The following ARPC1B variants were observed in gnomAD, a reference collection of about 807,000 sequenced individuals.
The protein encoded by ARPC1B is actin related protein 2/3 complex subunit 1B.
ARPC1B carries 29 observed loss-of-function variants against 46.0 expected under a neutral mutation model. That is an observed-to-expected ratio of 0.63 (90% confidence interval 0.47 to 0.86). The LOEUF is 0.86. Ranked by LOEUF, ARPC1B falls within the 40% of genes least tolerant of loss-of-function variation. ARPC1B has a pLI of 0.00. For missense variants in ARPC1B, 469 were observed against 529.4 expected (o/e 0.89, Z 1.12); for synonymous variants, 201 against 213.9 (o/e 0.94, Z 0.53).
At chr7:99,392,615 C>T in intron 7 of ARPC1B, 56 bp from the exon 8 acceptor site, 1 of 1,412,998 alleles carries the variant, frequency 7.1e-7, no homozygotes, top group Non-Finnish European at 9.3e-7. Flanking sequence ...CCTGGCCTTC[C>T]CTCCGGCCTC....
intron 1 of ARPC1B, among the ~76,000 whole-genome samples, chr7:99,377,785 C>G (rs940704429): frequency 3.3e-5 from 5 of 151,640 alleles, no homozygotes; most frequent in African/African-American, 1.2e-4. Flanking sequence ...CAAGTGCCCA[C>G]CACCAAGCCC....
intron 4 of ARPC1B, chr7:99,388,770 T>A (rs1794480660): frequency 6.5e-6 from 1 of 152,906 alleles, no homozygotes; most frequent in South Asian, 2.0e-4. Flanking sequence ...GTAGCTGGGA[T>A]TACAGGCACC....
At chr7:99,386,250 CAA>C (rs397941748) in intron 2 of ARPC1B, 2,271 of 276,558 alleles carry the variant, frequency 8.2e-3, no homozygotes, top group Middle Eastern at 0.016. Context: ...GACTCTGTCT[CAA>C]AAAAAAAAAA....
intron 4 of ARPC1B, 37 bp downstream of exon 4, chr7:99,388,298 G>A: frequency 2.5e-6 from 4 of 1,603,152 alleles, no homozygotes; most frequent in South Asian, 2.2e-5. Flanking sequence ...GGCTGTTAGG[G>A]ACCGGGGGCA....
At chr7:99,393,489 G>C (rs1178855680) in intron 8 of ARPC1B, among the ~76,000 whole-genome samples, 2 of 152,074 alleles carry the variant, frequency 1.3e-5, no homozygotes, top group African/African-American at 4.8e-5. Flanking sequence ...CACTTAGCGA[G>C]GTGGGGGCGG....
At chr7:99,383,665 CTT>C (rs1352991190) in intron 1 of ARPC1B, among the ~76,000 whole-genome samples, 1 of 152,164 alleles carries the variant, frequency 6.6e-6, no homozygotes, top group Non-Finnish European at 1.5e-5. Context: ...TGAGTACAGA[CTT>C]GAGTGGCAGC....
chr7:99,392,580 T>C, intron 7 of ARPC1B, 91 bp from the exon 8 acceptor site: 2 of 1,196,916 alleles, frequency 1.7e-6, no homozygotes, highest in South Asian at 1.6e-5. Context: ...AGCTGGCATC[T>C]GCCTCCCGGG....
chr7:99,392,304 C>T (rs1462014938), intron 7 of ARPC1B, among the ~76,000 whole-genome samples: 3 of 152,322 alleles, frequency 2.0e-5, no homozygotes, highest in East Asian at 1.9e-4. Flanking sequence ...CCTCCGCCCA[C>T]ATCTGTCAAG....
chr7:99,374,411 C>G (rs1480405319), upstream of ARPC1B: 1 of 152,206 alleles, frequency 6.6e-6, no homozygotes, highest in Non-Finnish European at 1.5e-5. The surrounding 1 kb of genome is among the most constrained non-coding windows in gnomAD (Gnocchi z 5.0). Context: ...GACCCTGCGC[C>G]CGGCAGTCCC....
chr7:99,381,849 A>T (rs575021913), intron 1 of ARPC1B, among the ~76,000 whole-genome samples: 2 of 152,300 alleles, frequency 1.3e-5, no homozygotes, highest in South Asian at 4.1e-4. Flanking sequence ...GCAGTGCAGG[A>T]TGGGCCGGCC....
At chr7:99,378,994 GTCTCGA>G (rs886935415) in intron 1 of ARPC1B, among the ~76,000 whole-genome samples, 31 of 152,018 alleles carry the variant, frequency 2.0e-4, no homozygotes, top group Non-Finnish European at 3.2e-4. Flanking sequence ...AGCCAGGATG[GTCTCGA>G]TCTCCTGACC....
At chr7:99,392,631 C>T (rs1381830810) in intron 7 of ARPC1B, 40 bp from the exon 8 acceptor site, 16 of 1,435,600 alleles carry the variant, frequency 1.1e-5, no homozygotes, top group Admixed American at 2.9e-5. Flanking sequence ...GCCTCGGTTT[C>T]CCCTCCGCGG....
At position 99,394,516 on chromosome 7, in the gene ARPC1B, C is replaced by G. The variant is rs902805067; in HGVS notation, c.*27C>G. 2 of 1,613,828 alleles carry G rather than the reference C, an allele frequency of 1.2e-6. No homozygotes were observed. Among genetic ancestry groups the G allele is most frequent in the African/African-American group, 1.3e-5 (1 of 74,876 alleles). Reference sequence around the variant, plus strand: ...CTGTGAGGAATATGTTGCCTTCATCCTAGCTGCTGGGGAAGCGGGGAGAGG... The same window carrying G: ...CTGTGAGGAATATGTTGCCTTCATCGTAGCTGCTGGGGAAGCGGGGAGAGG... On this transcript the variant is annotated 3_prime_UTR_variant, in exon 10 of 10. Transcript: ENST00000646101.
At position 99,388,037 on chromosome 7, in the gene ARPC1B, A is replaced by C; in HGVS notation, c.170-2A>C. The C allele has an allele frequency of 6.3e-7, 1 of 1,591,892 alleles. No individual in the cohort carries two copies. Among genetic ancestry groups the C allele is most frequent in the Non-Finnish European group, 8.6e-7 (1 of 1,161,552 alleles). On this transcript the variant is annotated splice_acceptor_variant, in intron 3 of 9. Transcript: ENST00000646101. LOFTEE classifies it high-confidence loss of function. The stretch of plus-strand genomic sequence containing the variant: ...TCCTGTGTTCCCTCCATCCCCCCAC[A>C]GGCATCGACTGGGCCCCCGAGAGTA...
At chr7:99,388,903 T>A (rs978360011) in intron 4 of ARPC1B, 5 of 152,064 alleles carry the variant, frequency 3.3e-5, no homozygotes, top group African/African-American at 1.2e-4. Flanking sequence ...AGTGTTGGGA[T>A]TACAGGCGTG....
Position 99,392,692 on chromosome 7 carries a change from C to T in ARPC1B, c.805C>T (p.Leu269=). 1 of 1,540,014 alleles carries T rather than the reference C, an allele frequency of 6.5e-7. No homozygotes were observed. The highest frequency in any genetic ancestry group is 8.8e-7 in the Non-Finnish European group (1 of 1,139,726). ...VAAGHDCFPV[L]FTYDAAAGML... ...GCAGGGCCACGACTGCTTCCCGGTG[C>T]TGTTCACCTATGACGCCGCCGCGGG... Residue 269 remains leucine, a synonymous_variant, in exon 8 of 10, where the codon CTG becomes TTG. Transcript: ENST00000646101.
At chr7:99,386,617 GT>G in intron 2 of ARPC1B, 67 bp from the exon 3 acceptor site, 1 of 1,177,860 alleles carries the variant, frequency 8.5e-7, no homozygotes, top group Non-Finnish European at 1.3e-6. Flanking sequence ...TAGGTGCACT[GT>G]GTAGTGTGTC....
chr7:99,376,144 C>T (rs986112597), intron 1 of ARPC1B, among the ~76,000 whole-genome samples: 4 of 151,946 alleles, frequency 2.6e-5, no homozygotes, highest in African/African-American at 9.7e-5. Flanking sequence ...TTGAACCTGC[C>T]TTGGCAGTGA....
intron 5 of ARPC1B, 92 bp downstream of exon 5, chr7:99,390,104 A>T (rs747126442): frequency 4.1e-5 from 48 of 1,173,216 alleles, no homozygotes; most frequent in Non-Finnish European, 5.6e-5. Flanking sequence ...TCTACACCCC[A>T]GCTTCTAGAC....
Sources: allele counts gnomAD v4.1 joint callset (sites outside exome capture counted in the v4.1 genomes callset), GRCh38; gene constraint gnomAD v4.1.1; non-coding constraint Gnocchi (gnomAD v3.1); transcripts MANE v1.5; gene names NCBI Gene and HGNC (gene_info 2026-07-23, HGNC 2026-07-21).